Variants in LSAMP observed in about 807,000 individuals in gnomAD.
LSAMP encodes the protein limbic system associated membrane protein.
Under a neutral mutation model 38.6 loss-of-function variants are expected in LSAMP, and 7 were observed. That is an observed-to-expected ratio of 0.18 (90% CI 0.10 to 0.34). The LOEUF is 0.34. LSAMP is among the 10% of genes least tolerant of loss of function. LSAMP has a pLI of 1.00. For missense variants in LSAMP, 313 were observed against 420.0 expected, an observed-to-expected ratio of 0.75 and a Z score of 2.23; for synonymous variants, 154 against 166.8, an observed-to-expected ratio of 0.92 and a Z score of 0.59.
At chr3:116,117,532 T>C (rs1382463930) in intron 1 of LSAMP, among the ~76,000 whole-genome samples, 1 of 152,194 alleles carries the variant, frequency 6.6e-6, no homozygotes, top group South Asian at 2.1e-4. Flanking sequence ...ATTTTCATAA[T>C]ATTTTACCTA....
chr3:115,850,683 C>T (rs1257448322), intron 4 of LSAMP, among the ~76,000 whole-genome samples: 1 of 152,112 alleles, frequency 6.6e-6, no homozygotes, highest in Non-Finnish European at 1.5e-5. Flanking sequence ...TGAAATGCAA[C>T]CCCTTGCTTC....
chr3:116,378,729 T>C (rs2048521364), intron 1 of LSAMP, among the ~76,000 whole-genome samples: 1 of 152,032 alleles, frequency 6.6e-6, no homozygotes, highest in Non-Finnish European at 1.5e-5. Flanking sequence ...TTGCTTACAA[T>C]TTTGAAAACT....
chr3:116,246,919 A>G (rs766914145), intron 1 of LSAMP, among the ~76,000 whole-genome samples: 3 of 152,102 alleles, frequency 2.0e-5, no homozygotes, highest in Non-Finnish European at 4.4e-5. Flanking sequence ...GGTCGAGACA[A>G]TGTTCATTTC....
intron 1 of LSAMP, among the ~76,000 whole-genome samples, chr3:116,100,577 T>G (rs1448232848): frequency 6.6e-6 from 1 of 152,210 alleles, no homozygotes; most frequent in African/African-American, 2.4e-5. Flanking sequence ...GTTACCAGCA[T>G]CACTACGTAG....
At chr3:116,406,843 G>A (rs2048904114) in intron 1 of LSAMP, among the ~76,000 whole-genome samples, 2 of 151,908 alleles carry the variant, frequency 1.3e-5, no homozygotes, top group African/African-American at 2.4e-5. Flanking sequence ...AAATAGGGCA[G>A]TAGAAAATGT....
chr3:116,290,926 A>G (rs1256602363), intron 1 of LSAMP, among the ~76,000 whole-genome samples: 1 of 151,992 alleles, frequency 6.6e-6, no homozygotes, highest in Non-Finnish European at 1.5e-5. Context: ...TCTTGCACAC[A>G]TGGTCCCATC....
At chr3:115,948,479 C>G (rs962865944) in intron 3 of LSAMP, among the ~76,000 whole-genome samples, 2 of 152,020 alleles carry the variant, frequency 1.3e-5, no homozygotes, top group East Asian at 3.9e-4. Flanking sequence ...CAAAAAGAAC[C>G]CTCAAAACCA....
intron 1 of LSAMP, chr3:116,360,023 G>C (rs1399126629): frequency 6.5e-6 from 1 of 154,208 alleles, no homozygotes; most frequent in Non-Finnish European, 1.4e-5. Flanking sequence ...TGGCCGAATA[G>C]GAACAGCTCC....
intron 2 of LSAMP, among the ~76,000 whole-genome samples, chr3:116,038,543 C>T (rs928997411): frequency 6.6e-5 from 10 of 152,088 alleles, no homozygotes; most frequent in East Asian, 1.9e-4. Context: ...TTTCTTGAAC[C>T]GTGGAATGCC....
rs560728558 is a variant in LSAMP at position 115,960,533 on chromosome 3, C to T, written c.514+58982G>A. Among the ~76,000 whole-genome samples, 6 of 152,254 alleles carry T rather than the reference C, an allele frequency of 3.9e-5. No homozygotes were observed. In the South Asian group the frequency reaches 8.3e-4, roughly 21 times the overall value. The stretch of plus-strand genomic sequence containing the variant: ...TTTCCTAAGTAAAATTCTACTGATG[C>T]ATGTTGTCATCTTTTAGGCATCCCC... On this transcript the variant is annotated intron_variant, in intron 3 of 6. Coordinates refer to ENST00000490035, the MANE Select transcript of LSAMP (RefSeq NM_002338.5).
intron 1 of LSAMP, among the ~76,000 whole-genome samples, chr3:116,154,560 G>T (rs1709695571): frequency 6.6e-6 from 1 of 152,066 alleles, no homozygotes; most frequent in Admixed American, 6.6e-5. Context: ...ACAATGCCCT[G>T]CCTGGTCTGT....
chr3:115,835,918 T>G (rs533683541), intron 6 of LSAMP, among the ~76,000 whole-genome samples: 2 of 152,350 alleles, frequency 1.3e-5, no homozygotes, highest in South Asian at 4.1e-4. Context: ...TATTTGGTAT[T>G]AAGTTTCTAG....
chr3:116,367,495 CTT>C (rs751600891), intron 1 of LSAMP, among the ~76,000 whole-genome samples: 10,127 of 133,250 alleles, frequency 0.076, 237 homozygotes, highest in Middle Eastern at 0.12. Flanking sequence ...TATTTTCTTC[CTT>C]TTTTTTTTTT....
chr3:116,277,106 A>T lies in LSAMP; in HGVS notation c.155+167771T>A, dbSNP rs61115657. ...GATACCTGAGGGATCATCAAACACC[A>T]TAAAATAGAACATGGCCTCTGATAA... On this transcript the variant is annotated intron_variant, in intron 1 of 6. Transcript: ENST00000490035. 1.1e-4 allele frequency among the ~76,000 whole-genome samples: 16 copies of T among 152,348 alleles called. No homozygotes were observed. In the East Asian group the frequency reaches 2.5e-3, roughly 24 times the overall value.
At chr3:115,850,814 G>C (rs1935305562) in intron 4 of LSAMP, among the ~76,000 whole-genome samples, 1 of 152,210 alleles carries the variant, frequency 6.6e-6, no homozygotes, top group Admixed American at 6.5e-5. Context: ...GAAGGTCACA[G>C]GTAATGGTGC....
chr3:115,808,127 TCCCTCCCTCCCTC>T lies in LSAMP; in HGVS notation c.*2177_*2189del, dbSNP rs1202754103. 4.1e-4 allele frequency: 21 copies of T among 50,726 alleles called. No homozygotes were observed. Among genetic ancestry groups the T allele is most frequent in the Non-Finnish European group, 6.5e-4 (19 of 29,386 alleles). The allele number at this position is 50,726 out of a possible 1,614,324, so 3.1% of individuals were successfully genotyped here. ...CTTCCTTCCTCCCTCCCTCCCTCCC[TCCCTCCCTCCCTC>T]CCTCCCTCCCCCCCTTCCCCGTCCC... On this transcript the variant is annotated 3_prime_UTR_variant, in exon 7 of 7. Transcript: ENST00000490035.
chr3:116,099,849 A>G (rs926161124), intron 1 of LSAMP, among the ~76,000 whole-genome samples: 1 of 152,040 alleles, frequency 6.6e-6, no homozygotes. Context: ...GATCTCACAG[A>G]GCACTCCTAA....
intron 1 of LSAMP, among the ~76,000 whole-genome samples, chr3:116,199,625 T>G (rs1389339768): frequency 1.3e-5 from 2 of 152,148 alleles, no homozygotes; most frequent in Non-Finnish European, 2.9e-5. Context: ...CAGGCAAATG[T>G]GTAGGCGAGA....
intron 3 of LSAMP, among the ~76,000 whole-genome samples, chr3:115,913,331 G>A (rs1395020387): frequency 6.6e-6 from 1 of 152,184 alleles, no homozygotes; most frequent in African/African-American, 2.4e-5. Context: ...TACATTTGTA[G>A]TACAGTGTTT....
Sources: gnomAD v4.1 joint callset for allele counts (sites outside exome capture counted in the v4.1 genomes callset) on GRCh38, gnomAD v4.1.1 for gene constraint, MANE v1.5 for transcripts, NCBI Gene and HGNC (gene_info 2026-07-23, HGNC 2026-07-21) for gene names.